The following DYM variants were observed in gnomAD, a reference collection of about 807,000 sequenced individuals.
DYM encodes dymeclin.
A neutral mutation model predicts 93.1 loss-of-function variants in DYM; 78 were observed. The observed-to-expected ratio is 0.84, with a 90% CI of 0.70 to 1.01. The LOEUF is 1.01. DYM is among the 50% of genes least tolerant of loss of function. The pLI is 0.00. For synonymous variants in DYM, 321 were observed against 319.7 expected, an observed-to-expected ratio of 1.00 and a Z score of -0.04; for missense variants, 789 against 845.0, an observed-to-expected ratio of 0.93 and a Z score of 0.82.
chr18:49,254,036 C>T (rs1425577682), intron 13 of DYM, among the ~76,000 whole-genome samples: 2 of 151,968 alleles, frequency 1.3e-5, no homozygotes, highest in Non-Finnish European at 2.9e-5. Context: ...TGCTCTCTCA[C>T]CATAGTCCCT....
chr18:49,437,081 T>C (rs1304191787), intron 1 of DYM, among the ~76,000 whole-genome samples: 1 of 152,206 alleles, frequency 6.6e-6, no homozygotes, highest in Non-Finnish European at 1.5e-5. Flanking sequence ...TATTTTATGT[T>C]CTTTTTGTAT....
At chr18:49,433,381 A>G (rs2080514705) in intron 1 of DYM, among the ~76,000 whole-genome samples, 1 of 152,244 alleles carries the variant, frequency 6.6e-6, no homozygotes, top group South Asian at 2.1e-4. Context: ...TTCAACAGTA[A>G]TCAACATTTA....
chr18:49,331,718 T>C, intron 8 of DYM, 146 bp downstream of exon 8: 1 of 865,710 alleles, frequency 1.2e-6, no homozygotes, highest in Non-Finnish European at 1.8e-6. Context: ...AAGATTAATA[T>C]TTTAATTACT....
chr18:49,134,553 T>C (rs2083657651), intron 15 of DYM, among the ~76,000 whole-genome samples: 1 of 152,178 alleles, frequency 6.6e-6, no homozygotes, highest in Non-Finnish European at 1.5e-5. Context: ...TACATGGAAA[T>C]AAGTGAATCT....
rs960434417 is a variant in DYM at position 49,452,799 on chromosome 18, CA to C, written c.-54+7598del. On this transcript the variant is annotated intron_variant, in intron 1 of 17. Transcript: ENST00000675505. ...CCTGCGGCCCTGGTGCAGGATCCACCAGGTGAAGCCAGCTGGGCTCCTGAGT... is the reference window on the plus strand; with the variant it reads ...CCTGCGGCCCTGGTGCAGGATCCACCGGTGAAGCCAGCTGGGCTCCTGAGT... 5.2e-5 allele frequency among the ~76,000 whole-genome samples: 7 copies of C among 135,180 alleles called. 2 individuals carry two copies. The highest frequency in any genetic ancestry group is 1.1e-4 in the Non-Finnish European group (7 of 62,174). The allele number at this position is 135,180 out of a possible 152,430, so 88.7% of individuals were successfully genotyped here.
Position 49,308,038 on chromosome 18 carries a change from T to C in DYM, c.764-21422A>G, listed in dbSNP as rs978974444. Among the ~76,000 whole-genome samples, 62 of 152,286 alleles carry C rather than the reference T, an allele frequency of 4.1e-4. 1 individual carries two copies. Among genetic ancestry groups the C allele is most frequent in the African/African-American group, 1.4e-3 (57 of 41,558 alleles). The stretch of plus-strand genomic sequence containing the variant: ...TTCATAATGTACCCTTAATATTCTC[T>C]AATGACAAAATAAAATGACATTACT... On this transcript the variant is annotated intron_variant, in intron 8 of 17. Transcript: ENST00000675505.
chr18:49,214,793 A>T (rs555044235), intron 13 of DYM, among the ~76,000 whole-genome samples: 14 of 152,160 alleles, frequency 9.2e-5, no homozygotes, highest in Non-Finnish European at 1.6e-4. Context: ...TTTCCACTGA[A>T]AGGGATGATA....
intron 13 of DYM, among the ~76,000 whole-genome samples, chr18:49,220,432 A>C (rs1410175883): frequency 6.6e-6 from 1 of 151,172 alleles, no homozygotes; most frequent in Non-Finnish European, 1.5e-5. Context: ...ACCAAAAAAG[A>C]GCCCACATTG....
At chr18:49,062,896 AAGG>A (rs941942729) in intron 17 of DYM, among the ~76,000 whole-genome samples, 1 of 152,310 alleles carries the variant, frequency 6.6e-6, no homozygotes, top group Non-Finnish European at 1.5e-5. Flanking sequence ...TCGTGATGGG[AAGG>A]AGATTATAAT....
At chr18:49,236,284 T>C (rs1375549124) in intron 13 of DYM, among the ~76,000 whole-genome samples, 1 of 152,030 alleles carries the variant, frequency 6.6e-6, no homozygotes, top group Non-Finnish European at 1.5e-5. Context: ...ATTGAGACCA[T>C]CCTGGCTAAC....
chr18:49,152,959 G>A (rs1388308667), intron 15 of DYM, among the ~76,000 whole-genome samples: 1 of 152,170 alleles, frequency 6.6e-6, no homozygotes. Context: ...TTGCCAGGGG[G>A]TGGGGGAAAG....
intron 13 of DYM, among the ~76,000 whole-genome samples, chr18:49,243,403 G>A (rs1001915608): frequency 1.3e-5 from 2 of 152,092 alleles, no homozygotes; most frequent in Admixed American, 6.5e-5. Flanking sequence ...GGTGGCTCAC[G>A]CTTGTAATAT....
intron 13 of DYM, among the ~76,000 whole-genome samples, chr18:49,214,456 G>A (rs535136707): frequency 4.8e-4 from 73 of 151,894 alleles, no homozygotes; most frequent in Non-Finnish European, 7.5e-4. Flanking sequence ...GCCCCTGTCC[G>A]TGGAAAAACT....
intron 17 of DYM, among the ~76,000 whole-genome samples, chr18:49,086,115 G>T (rs1405253175): frequency 2.0e-5 from 3 of 152,202 alleles, no homozygotes; most frequent in Non-Finnish European, 4.4e-5. Context: ...GCAGTCATTG[G>T]AAATCATGTG....
intron 10 of DYM, among the ~76,000 whole-genome samples, chr18:49,274,331 C>T (rs1255229644): frequency 6.6e-6 from 1 of 152,100 alleles, no homozygotes; most frequent in Non-Finnish European, 1.5e-5. Context: ...GATCTCATTC[C>T]TTTTTATGTC....
In DYM at chr18:49,358,165, A is replaced by G. The variant is rs1328520500; in HGVS notation, c.494+4996T>C. On this transcript the variant is annotated intron_variant, in intron 6 of 17. Coordinates refer to ENST00000675505, the MANE Select transcript of DYM (RefSeq NM_001353214.3). ...AATCCCATCTCAAAAAAATAAATAA[A>G]TAAGTAAATAAATAACACATGAAAA... Among the ~76,000 whole-genome samples, 8 of 152,292 alleles carry G rather than the reference A, an allele frequency of 5.3e-5. No homozygotes were observed. In the East Asian group the frequency reaches 1.3e-3, roughly 26 times the overall value.
chr18:49,110,012 G>C (rs1219424602), intron 16 of DYM, among the ~76,000 whole-genome samples: 1 of 152,140 alleles, frequency 6.6e-6, no homozygotes, highest in Non-Finnish European at 1.5e-5. Flanking sequence ...TAGACAAAAT[G>C]GGTTGGCAAC....
intron 2 of DYM, among the ~76,000 whole-genome samples, chr18:49,422,309 G>C (rs533992304): frequency 4.0e-4 from 61 of 152,218 alleles, no homozygotes; most frequent in African/African-American, 1.4e-3. Flanking sequence ...CGGATCTCTC[G>C]GCAGAAACTC....
chr18:49,091,491 C>A (rs893417593), intron 17 of DYM, among the ~76,000 whole-genome samples: 1 of 152,104 alleles, frequency 6.6e-6, no homozygotes, highest in Non-Finnish European at 1.5e-5. Flanking sequence ...GTGAGCCAGG[C>A]AAGGCTCTAC....
Sources: gnomAD v4.1 joint callset for allele counts (sites outside exome capture counted in the v4.1 genomes callset) on GRCh38, gnomAD v4.1.1 for gene constraint, MANE v1.5 for transcripts, NCBI Gene and HGNC (gene_info 2026-07-23, HGNC 2026-07-21) for gene names.